Variants in CELF4 observed in about 807,000 individuals in gnomAD.
CELF4 encodes the protein CUG-BP- and ETR-3-like factor 4.
CELF4 carries 18 observed loss-of-function variants against 59.9 expected under a neutral mutation model. The observed-to-expected ratio is 0.30, with a 90% CI of 0.21 to 0.45. CELF4 has a LOEUF of 0.45. Among genes scored for constraint, CELF4 ranks in the 20% least tolerant of loss-of-function variants. The pLI is 1.00. For synonymous variants in CELF4, 261 were observed against 267.1 expected (o/e 0.98, Z 0.22); for missense variants, 456 against 689.0 (o/e 0.66, Z 3.79).
chr18:37,284,083 A>T (rs1362008001), intron 3 of CELF4, among the ~76,000 whole-genome samples: 2 of 148,916 alleles, frequency 1.3e-5, no homozygotes, highest in African/African-American at 5.0e-5. Flanking sequence ...ATAGACATAC[A>T]CACTAACATA....
At chr18:37,438,205 A>G (rs559767979) in intron 2 of CELF4, among the ~76,000 whole-genome samples, 3 of 152,314 alleles carry the variant, frequency 2.0e-5, no homozygotes, top group East Asian at 1.9e-4. Context: ...CAACCTCACT[A>G]TGCTGATGTG....
chr18:37,285,157 C>T lies in CELF4; in HGVS notation c.449-9914G>A, dbSNP rs181421419. ...CAAGGGAGTGGGCTCATGGGATTCC[C>T]ATTGCCTGGGGTCCCAGTTAGGCCT... On this transcript the variant is annotated intron_variant, in intron 3 of 12. Transcript: ENST00000420428. Among the ~76,000 whole-genome samples the T allele has an allele frequency of 4.8e-3, 728 of 152,310 alleles. 8 individuals carry two copies. Among genetic ancestry groups the T allele is most frequent in the African/African-American group, 0.017 (692 of 41,562 alleles).
intron 3 of CELF4, among the ~76,000 whole-genome samples, chr18:37,299,521 G>T (rs1299783847): frequency 6.6e-6 from 1 of 152,116 alleles, no homozygotes; most frequent in Non-Finnish European, 1.5e-5. Flanking sequence ...GGCTCACAGG[G>T]ACAAGGGATC....
In CELF4 at chr18:37,502,237, A is replaced by G. The variant is rs549199610; in HGVS notation, c.287-16630T>C. Among the ~76,000 whole-genome samples the G allele has an allele frequency of 5.3e-5, 8 of 152,240 alleles. No individual in the cohort carries two copies. The South Asian group carries it at 1.7e-3, about 32-fold the overall frequency. ...GTCCAATTCCTCCCTCATGAACACT[A>G]ATTACCGCACAGACCTTCTCCATGA... On this transcript the variant is annotated intron_variant, in intron 1 of 12. Transcript: ENST00000420428.
chr18:37,429,608 G>A (rs2099635584), intron 2 of CELF4, among the ~76,000 whole-genome samples: 1 of 152,210 alleles, frequency 6.6e-6, no homozygotes, highest in Admixed American at 6.5e-5. Context: ...ACCTCATGCA[G>A]GGACTGCTTC....
chr18:37,565,739 TC>T lies in CELF4; in HGVS notation c.-99del. ...CACACACGCACACGCATACACACAC[TC>T]GGGTTCTCTCCCCCTCGGTTTCTCT... is the stretch of plus-strand genomic sequence containing the variant. On this transcript the variant is annotated 5_prime_UTR_variant, in exon 1 of 13. Coordinates refer to ENST00000420428, the MANE Select transcript of CELF4 (RefSeq NM_020180.4). 1 of 977,446 alleles carries T rather than the reference TC, an allele frequency of 1.0e-6. No homozygotes were observed. The highest frequency in any genetic ancestry group is 2.0e-5 in the South Asian group (1 of 49,496). The allele number at this position is 977,446 out of a possible 1,614,324, so 60.5% of individuals were successfully genotyped here. A position where few individuals can be genotyped will look rare whatever the true frequency, so the allele number is the denominator to read the frequency against.
intron 2 of CELF4, among the ~76,000 whole-genome samples, chr18:37,343,591 T>G (rs781542780): frequency 6.6e-6 from 1 of 151,458 alleles, no homozygotes; most frequent in African/African-American, 2.4e-5. Flanking sequence ...ATATGTGGGG[T>G]TGCGTGTGTA....
intron 2 of CELF4, among the ~76,000 whole-genome samples, chr18:37,364,680 T>C (rs955856908): frequency 6.6e-6 from 1 of 152,252 alleles, no homozygotes; most frequent in African/African-American, 2.4e-5. Context: ...TTCTGGTTAG[T>C]CCTAAAGAAC....
rs1243687883 is a variant in CELF4 at position 37,245,980 on chromosome 18, C to T, written c.*45-783G>A. 6.6e-6 allele frequency among the ~76,000 whole-genome samples: 1 copy of T among 152,126 alleles called. No homozygotes were observed. Among genetic ancestry groups the T allele is most frequent in the East Asian group, 1.9e-4 (1 of 5,196 alleles). On this transcript the variant is annotated intron_variant, in intron 12 of 12. Coordinates refer to ENST00000420428, the MANE Select transcript of CELF4 (RefSeq NM_020180.4). The surrounding 1 kb of genome is among the most constrained non-coding windows in gnomAD (Gnocchi z 4.1). Reference sequence around the variant, plus strand: ...TCAAACTTAAATAAATTAACTCAGACAGTGCTTGATTTTGTTTTGAATGGT... The same window carrying T: ...TCAAACTTAAATAAATTAACTCAGATAGTGCTTGATTTTGTTTTGAATGGT...
chr18:37,403,049 G>C (rs960915865), intron 2 of CELF4, among the ~76,000 whole-genome samples: 1 of 152,178 alleles, frequency 6.6e-6, no homozygotes, highest in African/African-American at 2.4e-5. Context: ...CCAGGAAGGA[G>C]GGCTGGGAGG....
chr18:37,445,878 C>T (rs1490505273), intron 2 of CELF4, among the ~76,000 whole-genome samples: 3 of 152,210 alleles, frequency 2.0e-5, no homozygotes, highest in Non-Finnish European at 4.4e-5. Context: ...TCTCCCACCA[C>T]CACCATCCTC....
chr18:37,468,219 G>A (rs2099813421), intron 2 of CELF4, among the ~76,000 whole-genome samples: 1 of 152,198 alleles, frequency 6.6e-6, no homozygotes, highest in South Asian at 2.1e-4. Flanking sequence ...ATGCGTCTTT[G>A]GTTGCTTGGC....
intron 2 of CELF4, among the ~76,000 whole-genome samples, chr18:37,379,395 T>TA (rs2099009536): frequency 1.3e-5 from 2 of 150,614 alleles, no homozygotes; most frequent in South Asian, 4.2e-4. Context: ...AGCTTCCAAT[T>TA]ACGTGTTAAT....
chr18:37,254,733 C>G lies in CELF4; in HGVS notation c.1334-795G>C, dbSNP rs1192232651. On this transcript the variant is annotated intron_variant, in intron 11 of 12. Transcript: ENST00000420428. The surrounding 1 kb of genome is among the most constrained non-coding windows in gnomAD (Gnocchi z 5.1). Reference sequence around the variant, plus strand: ...TGCAGAAGCGCTTCCCACGCGTTCACTCCTGTGCCCAGATGGCATGCAGAA... The same window carrying G: ...TGCAGAAGCGCTTCCCACGCGTTCAGTCCTGTGCCCAGATGGCATGCAGAA... 6.6e-6 allele frequency among the ~76,000 whole-genome samples: 1 copy of G among 152,278 alleles called. No individual in the cohort carries two copies. Among genetic ancestry groups the G allele is most frequent in the Non-Finnish European group, 1.5e-5 (1 of 68,048 alleles).
At chr18:37,274,607 A>C (rs998035349) in intron 5 of CELF4, 153 bp from the exon 6 acceptor site, 1 of 1,530,052 alleles carries the variant, frequency 6.5e-7, no homozygotes, top group African/African-American at 1.4e-5. Context: ...TGTGAACCCC[A>C]CCGCGGGCAT....
At chr18:37,554,849 G>A (rs2099984311) in intron 1 of CELF4, among the ~76,000 whole-genome samples, 1 of 152,160 alleles carries the variant, frequency 6.6e-6, no homozygotes, top group Non-Finnish European at 1.5e-5. Flanking sequence ...AGGGGTCCAG[G>A]ACTGCCCCAA....
chr18:37,313,821 A>G (rs1010852414), intron 3 of CELF4, among the ~76,000 whole-genome samples: 1 of 152,230 alleles, frequency 6.6e-6, no homozygotes, highest in Middle Eastern at 3.2e-3. Context: ...CCACGGGTTT[A>G]TGGTGGGGAA....
chr18:37,407,939 A>G (rs2154591443), intron 2 of CELF4, among the ~76,000 whole-genome samples: 1 of 152,306 alleles, frequency 6.6e-6, no homozygotes, highest in South Asian at 2.1e-4. Context: ...TCTGTACCAC[A>G]GAATATTTTT....
At chr18:37,514,801 A>G (rs2099948767) in intron 1 of CELF4, among the ~76,000 whole-genome samples, 1 of 152,122 alleles carries the variant, frequency 6.6e-6, no homozygotes, top group African/African-American at 2.4e-5. Flanking sequence ...GGCTCCTTTA[A>G]ATGGGTTTAT....
Sources: gnomAD v4.1 joint callset for allele counts (sites outside exome capture counted in the v4.1 genomes callset) on GRCh38, gnomAD v4.1.1 for gene constraint, Gnocchi (gnomAD v3.1) non-coding constraint, MANE v1.5 for transcripts, NCBI Gene and HGNC (gene_info 2026-07-23, HGNC 2026-07-21) for gene names.